Variants in XPNPEP3 observed in about 807,000 individuals in gnomAD.
XPNPEP3 encodes the protein X-prolyl aminopeptidase 3.
In XPNPEP3, 41 loss-of-function variants were observed where a neutral mutation model predicts 60.0. The observed-to-expected ratio is 0.68, with a 90% CI of 0.53 to 0.89. XPNPEP3 has a LOEUF of 0.89. XPNPEP3 is among the 40% of genes least tolerant of loss of function. The probability of loss-of-function intolerance (pLI) is 0.00; values close to 1 mark genes in which losing one functional copy is unlikely to be tolerated. For missense variants in XPNPEP3, 598 were observed against 638.9 expected (o/e 0.94, Z 0.69); for synonymous variants, 212 against 223.2 (o/e 0.95, Z 0.45).
intron 1 of XPNPEP3, among the ~76,000 whole-genome samples, chr22:40,863,774 G>A (rs577795560): frequency 6.6e-6 from 1 of 152,268 alleles, no homozygotes; most frequent in South Asian, 2.1e-4. Context: ...AATATTTTAT[G>A]CCCATAAGAA....
At chr22:40,861,836 G>A (rs372594873) in intron 1 of XPNPEP3, 53 of 1,613,560 alleles carry the variant, frequency 3.3e-5, no homozygotes, top group Middle Eastern at 1.6e-4. Flanking sequence ...ATAATACCTC[G>A]TATGCCTCAG....
At chr22:40,881,401 A>G (rs1490544117) in intron 2 of XPNPEP3, among the ~76,000 whole-genome samples, 3 of 147,714 alleles carry the variant, frequency 2.0e-5, no homozygotes, top group African/African-American at 7.5e-5. Context: ...GGTTTCAGTG[A>G]GCCGAGATCA....
chr22:40,902,510 A>AT (rs1272253921), intron 4 of XPNPEP3, among the ~76,000 whole-genome samples: 1 of 152,098 alleles, frequency 6.6e-6, no homozygotes, highest in African/African-American at 2.4e-5. Flanking sequence ...TCGGCCTCCC[A>AT]AAGTGCTGGG....
chr22:40,864,219 T>C (rs2145770246), intron 1 of XPNPEP3, among the ~76,000 whole-genome samples: 1 of 152,356 alleles, frequency 6.6e-6, no homozygotes, highest in South Asian at 2.1e-4. Flanking sequence ...ATAGGGTAAC[T>C]TCCTGACGTT....
At chr22:40,866,294 CTAAT>C (rs976178642) in intron 1 of XPNPEP3, among the ~76,000 whole-genome samples, 16 of 151,802 alleles carry the variant, frequency 1.1e-4, no homozygotes, top group Non-Finnish European at 1.8e-4. Flanking sequence ...GACTGGCAAA[CTAAT>C]TAGCAATTAT....
At chr22:40,882,660 C>A (rs1344464027) in intron 3 of XPNPEP3, among the ~76,000 whole-genome samples, 1 of 151,576 alleles carries the variant, frequency 6.6e-6, no homozygotes, top group Admixed American at 6.6e-5. Flanking sequence ...TTCATTTATT[C>A]ATTTGCAGGA....
intron 3 of XPNPEP3, among the ~76,000 whole-genome samples, chr22:40,883,323 C>T (rs2058055738): frequency 2.0e-5 from 3 of 152,066 alleles, no homozygotes; most frequent in Non-Finnish European, 4.4e-5. Flanking sequence ...TGCATTTTAA[C>T]AGATCTTTTG....
At chr22:40,894,112 A>G (rs1447554562) in intron 4 of XPNPEP3, among the ~76,000 whole-genome samples, 2 of 152,136 alleles carry the variant, frequency 1.3e-5, no homozygotes, top group Non-Finnish European at 2.9e-5. Flanking sequence ...GTTAGAAGCT[A>G]TAGTAGACTA....
chr22:40,861,808 C>G, intron 1 of XPNPEP3: 2 of 1,612,852 alleles, frequency 1.2e-6, no homozygotes, highest in Non-Finnish European at 1.7e-6. Flanking sequence ...TCATAAATGT[C>G]CCGTTTCTCA....
rs1390839427 is a variant in XPNPEP3 at position 40,926,636 on chromosome 22, A to G, written c.*201A>G. 4 of 640,022 alleles carry G rather than the reference A, an allele frequency of 6.2e-6. No homozygotes were observed. The highest frequency in any genetic ancestry group is 1.1e-5 in the Non-Finnish European group (4 of 363,772). The allele number at this position is 640,022 out of a possible 1,614,324, so 39.6% of individuals were successfully genotyped here. ...AGAAGTCTGGGAAAATGAATTTTTG[A>G]ATAGTATGTTACTGCAGCTTTGGTA... On this transcript the variant is annotated 3_prime_UTR_variant, in exon 10 of 10. Transcript: ENST00000357137.
intron 8 of XPNPEP3, 40 bp downstream of exon 8, chr22:40,922,553 A>G (rs1291173537): frequency 1.9e-5 from 31 of 1,608,694 alleles, no homozygotes; most frequent in Non-Finnish European, 2.5e-5. Context: ...AAGAACACCT[A>G]GCATGCTGCT....
At chr22:40,891,276 C>G (rs1435773698) in intron 4 of XPNPEP3, among the ~76,000 whole-genome samples, 1 of 151,166 alleles carries the variant, frequency 6.6e-6, no homozygotes, top group Non-Finnish European at 1.5e-5. Flanking sequence ...GGGAAGATCA[C>G]TTGAGCCCAG....
rs543498471 is a variant in XPNPEP3 at position 40,929,647 on chromosome 22, T to C, written c.*3212T>C. The C allele has an allele frequency of 1.3e-5, 2 of 152,292 alleles. No homozygotes were observed. The highest frequency in any genetic ancestry group is 4.8e-5 in the African/African-American group (2 of 41,564). The allele number at this position is 152,292 out of a possible 1,614,324, so 9.4% of individuals were successfully genotyped here. On this transcript the variant is annotated 3_prime_UTR_variant, in exon 10 of 10. Coordinates refer to ENST00000357137, the MANE Select transcript of XPNPEP3 (RefSeq NM_022098.4). ...AAAGGCTGTTGTAGAATTCTTCTGGTGATTTTCAGTCCCTGACCCAGGTAT... is the reference window on the plus strand; with the variant it reads ...AAAGGCTGTTGTAGAATTCTTCTGGCGATTTTCAGTCCCTGACCCAGGTAT...
At chr22:40,923,224 AAAAG>A (rs1306710382) in intron 8 of XPNPEP3, among the ~76,000 whole-genome samples, 2 of 152,060 alleles carry the variant, frequency 1.3e-5, no homozygotes, top group African/African-American at 2.4e-5. Context: ...AAAAAAAAAA[AAAAG>A]AGAGAGAGAT....
intron 1 of XPNPEP3, 32 bp from the exon 2 acceptor site, chr22:40,868,967 G>A (rs1569015386): frequency 6.4e-7 from 1 of 1,552,262 alleles, no homozygotes; most frequent in Non-Finnish European, 8.9e-7. Context: ...TAGATCTATT[G>A]TTTCATTTCA....
At chr22:40,884,775 C>T (rs1347812699) in intron 3 of XPNPEP3, among the ~76,000 whole-genome samples, 2 of 151,768 alleles carry the variant, frequency 1.3e-5, no homozygotes, top group Non-Finnish European at 2.9e-5. Context: ...CCTGTAATCC[C>T]AGCACTTCGG....
intron 9 of XPNPEP3, 94 bp from the exon 10 acceptor site, chr22:40,926,175 A>G (rs1479989414): frequency 2.3e-6 from 3 of 1,303,972 alleles, no homozygotes; most frequent in East Asian, 2.3e-5. Context: ...AGTATTACAG[A>G]GGAAGGAATT....
chr22:40,878,981 A>G (rs2058037537), intron 2 of XPNPEP3, among the ~76,000 whole-genome samples: 1 of 152,202 alleles, frequency 6.6e-6, no homozygotes, highest in South Asian at 2.1e-4. Context: ...AAAAAAAGGA[A>G]AGGTCGGATA....
chr22:40,860,291 C>T (rs1447397878), intron 1 of XPNPEP3: 1 of 154,030 alleles, frequency 6.5e-6, no homozygotes, highest in Admixed American at 6.5e-5. Context: ...TTATGTTACC[C>T]GGACTGTCGT....
Sources: allele counts gnomAD v4.1 joint callset (sites outside exome capture counted in the v4.1 genomes callset), GRCh38; gene constraint gnomAD v4.1.1; transcripts MANE v1.5; gene names NCBI Gene and HGNC (gene_info 2026-07-23, HGNC 2026-07-21).